DNAH10: variants seen among roughly 807,000 people sequenced by gnomAD.
DNAH10 encodes the protein dynein axonemal heavy chain 10, also known as axonemal beta dynein heavy chain 10.
Under a neutral mutation model 506.6 loss-of-function variants are expected in DNAH10, and 348 were observed. The observed-to-expected ratio is 0.69, with a 90% CI of 0.63 to 0.75. The LOEUF is 0.75. Among genes scored for constraint, DNAH10 ranks in the 30% least tolerant of loss-of-function variants. The probability of loss-of-function intolerance (pLI) is 0.00; values close to 1 mark genes in which losing one functional copy is unlikely to be tolerated. For synonymous variants in DNAH10, 2,059 were observed against 2,198.6 expected (o/e 0.94, Z 1.78); for missense variants, 5,179 against 5,787.1 (o/e 0.89, Z 3.41).
chr12:123,801,453 A>T lies in DNAH10; in HGVS notation c.2614+21A>T, dbSNP rs374987925. On this transcript the variant is annotated intron_variant, in intron 16 of 78. Transcript: ENST00000673944. ...ACTAGGTAACGTCATTCATCTATTG[A>T]TTGCCTTTTAGACTTGGGATGCAAA... 2.2e-4 allele frequency: 360 copies of T among 1,605,856 alleles called. No homozygotes were observed. The African/African-American group carries it at 4.0e-3, about 18-fold the overall frequency.
At position 123,762,581 on chromosome 12, in the gene DNAH10, G is replaced by T. The variant is rs778077713; in HGVS notation, c.214+31G>T. The stretch of plus-strand genomic sequence containing the variant: ...CCTCGACGCGCCGCTCCCTTCCCCG[G>T]GCTTCCCTCCTGCCCGTCCCGGCCT... On this transcript the variant is annotated intron_variant, in intron 1 of 78. Transcript: ENST00000673944. This position sits in a 1 kb window ranked among gnomAD's most constrained non-coding sequence, Gnocchi z 5.0. 2.6e-6 allele frequency: 4 copies of T among 1,531,928 alleles called. No individual in the cohort carries two copies. Among genetic ancestry groups the T allele is most frequent in the Non-Finnish European group, 3.5e-6 (4 of 1,140,158 alleles). The allele number at this position is 1,531,928 out of a possible 1,614,324, so 94.9% of individuals were successfully genotyped here. A position where few individuals can be genotyped will look rare whatever the true frequency, so the allele number is the denominator to read the frequency against.
Position 123,926,913 on chromosome 12 carries a change from A to T in DNAH10, c.12105+93A>T. Reference sequence around the variant, plus strand: ...CTAACCTGGGTTTAAGCTGAGTGCCACGCCACAAATCAGTTGGATGCATTT... The same window carrying T: ...CTAACCTGGGTTTAAGCTGAGTGCCTCGCCACAAATCAGTTGGATGCATTT... On this transcript the variant is annotated intron_variant, in intron 69 of 78. Transcript: ENST00000673944. This position sits in a 1 kb window ranked among gnomAD's most constrained non-coding sequence, Gnocchi z 4.1. The T allele has an allele frequency of 7.1e-7, 1 of 1,403,536 alleles. No homozygotes were observed. 86.9% of individuals were successfully genotyped at this position (1,403,536 alleles called of 1,614,324 possible). A position where few individuals can be genotyped will look rare whatever the true frequency, so the allele number is the denominator to read the frequency against.
At chr12:123,885,466 G>C (rs1176320260) in intron 51 of DNAH10, among the ~76,000 whole-genome samples, 2 of 152,018 alleles carry the variant, frequency 1.3e-5, no homozygotes, top group Non-Finnish European at 2.9e-5. Context: ...TTTGAATATT[G>C]TTCATTTTTT....
rs1448272514 is a variant in DNAH10, at chr12:123,932,062, A to G, written c.13250A>G (p.Asn4417Ser). The G allele has an allele frequency of 5.0e-6, 8 of 1,613,952 alleles. No homozygotes were observed. The highest frequency in any genetic ancestry group is 5.9e-6 in the Non-Finnish European group (7 of 1,179,864). The change falls in exon 76 of 79, where the codon AAC becomes AGC. Residue 4417 changes from asparagine (N) to serine (S), a missense_variant. This residue lies in a region of DNAH10 where 4,844 missense variants were observed against 5,430.5 expected (regional missense o/e 0.89). Coordinates refer to ENST00000673944, the MANE Select transcript of DNAH10 (RefSeq NM_001372106.1). ...LAPDTLKSLG[N>S]WMVYFLRRFS... ...CCTGACACCTTAAAGTCCCTTGGAAACTGGATGGTCTACTTCCTGCGGCGG... is the reference window on the plus strand; with the variant it reads ...CCTGACACCTTAAAGTCCCTTGGAAGCTGGATGGTCTACTTCCTGCGGCGG...
chr12:123,793,227 G>A (rs1373628551), intron 11 of DNAH10, among the ~76,000 whole-genome samples: 2 of 152,022 alleles, frequency 1.3e-5, no homozygotes, highest in African/African-American at 4.8e-5. Flanking sequence ...TCCCTTCCTG[G>A]GCCCAGTGCC....
chr12:123,765,274 C>T (rs1203491573), intron 1 of DNAH10, among the ~76,000 whole-genome samples: 2 of 152,124 alleles, frequency 1.3e-5, no homozygotes, highest in Non-Finnish European at 2.9e-5. Flanking sequence ...CGGAATCGTA[C>T]TGTACATATC....
chr12:123,802,592 C>T (rs1181280152), intron 16 of DNAH10, among the ~76,000 whole-genome samples: 4 of 152,128 alleles, frequency 2.6e-5, no homozygotes, highest in Non-Finnish European at 5.9e-5. Flanking sequence ...AGGCGTGAGC[C>T]ACCACGTGTG....
At chr12:123,764,515 A>G (rs921703159) in intron 1 of DNAH10, among the ~76,000 whole-genome samples, 1 of 152,198 alleles carries the variant, frequency 6.6e-6, no homozygotes, top group African/African-American at 2.4e-5. Flanking sequence ...ACAAGACCCT[A>G]AAACAATGGA....
At chr12:123,817,397 G>A (rs1959169624) in intron 21 of DNAH10, among the ~76,000 whole-genome samples, 1 of 151,522 alleles carries the variant, frequency 6.6e-6, no homozygotes, top group South Asian at 2.1e-4. Flanking sequence ...TCTTTCTGTG[G>A]TTTATTCTAA....
In DNAH10 at chr12:123,929,248, C is replaced by A. The variant is rs765541823; in HGVS notation, c.12307-27C>A. ...AAGCTTGTGGGCCTGCGGTCTCCAT[C>A]ACTGTGTGTTTTCTTCTCTTCTGAA... is the stretch of plus-strand genomic sequence containing the variant. On this transcript the variant is annotated intron_variant, in intron 70 of 78. Transcript: ENST00000673944. 143 of 1,563,436 alleles carry A rather than the reference C, an allele frequency of 9.1e-5. 1 individual carries two copies. Among genetic ancestry groups the A allele is most frequent in the Non-Finnish European group, 1.2e-4 (136 of 1,153,688 alleles).
intron 44 of DNAH10, among the ~76,000 whole-genome samples, chr12:123,870,974 A>G (rs992227532): frequency 2.0e-5 from 3 of 152,310 alleles, no homozygotes; most frequent in East Asian, 3.9e-4. Flanking sequence ...ATATGGGCTG[A>G]ATAATTTCAC....
intron 17 of DNAH10, among the ~76,000 whole-genome samples, chr12:123,804,066 G>GT (rs1297756664): frequency 8.6e-5 from 13 of 152,000 alleles, no homozygotes; most frequent in East Asian, 3.9e-4. Context: ...TTTTTGTTTT[G>GT]TTTTTTTCTG....
intron 53 of DNAH10, 26 bp downstream of exon 53, chr12:123,893,462 C>T (rs1276281123): frequency 1.2e-6 from 2 of 1,611,320 alleles, no homozygotes; most frequent in East Asian, 2.2e-5. Flanking sequence ...CCTGTGAACC[C>T]ATTTCCCCTG....
chr12:123,896,614 C>A (rs372133923), intron 54 of DNAH10, among the ~76,000 whole-genome samples: 2 of 151,478 alleles, frequency 1.3e-5, no homozygotes. Flanking sequence ...GTGATCGCTT[C>A]TGAAAACCCA....
At chr12:123,859,618 G>A (rs1016636748) in intron 38 of DNAH10, among the ~76,000 whole-genome samples, 3 of 152,206 alleles carry the variant, frequency 2.0e-5, no homozygotes, top group African/African-American at 7.2e-5. Flanking sequence ...ACCTTATGCA[G>A]TACTGCTGTG....
In DNAH10 at chr12:123,926,549, C is replaced by T. The variant is rs138867212; in HGVS notation, c.11922-88C>T. The T allele has an allele frequency of 6.1e-5, 86 of 1,411,726 alleles. 1 individual carries two copies. The African/African-American group carries it at 6.8e-4, about 11-fold the overall frequency. 87.4% of individuals were successfully genotyped at this position (1,411,726 alleles called of 1,614,324 possible). A position where few individuals can be genotyped will look rare whatever the true frequency, so the allele number is the denominator to read the frequency against. On this transcript the variant is annotated intron_variant, in intron 68 of 78. Coordinates refer to ENST00000673944, the MANE Select transcript of DNAH10 (RefSeq NM_001372106.1). This position sits in a 1 kb window ranked among gnomAD's most constrained non-coding sequence, Gnocchi z 4.1. ...GGAGTGGTCAGAAGGTTCTGGACAC[C>T]GGAGGAGGCAGCGCTGATCAGACAG...
At position 123,928,492 on chromosome 12, in the gene DNAH10, G is replaced by C. The variant is rs1468913504; in HGVS notation, c.12211G>C (p.Glu4071Gln). 2 of 1,611,328 alleles carry C rather than the reference G, an allele frequency of 1.2e-6. No homozygotes were observed. The highest frequency in any genetic ancestry group is 2.7e-5 in the African/African-American group (2 of 74,866). Residue 4071 changes from glutamate (E) to glutamine (Q), a missense_variant, in exon 70 of 79, where the codon GAG becomes CAG. Glu to Gln is a conservative substitution (Grantham distance 29). Transcript: ENST00000673944. The surrounding 1 kb of genome is among the most constrained non-coding windows in gnomAD (Gnocchi z 4.9). ...GCTGAAAGATCTGGAGAAGTCCCTG[G>C]AGAGGATCACCAAGCCCCACCCAGA... Reference protein sequence around the residue: ...KWLKDLEKSLERITKPHPDFR... With the variant: ...KWLKDLEKSLQRITKPHPDFR...
chr12:123,881,829 C>A lies in DNAH10; in HGVS notation c.8823+16C>A. ...CAGCTGTGAGGTCAGTCCACGTACC[C>A]TCCCAGAAATAGGTTTACGATGCCA... On this transcript the variant is annotated intron_variant, in intron 51 of 78. Coordinates refer to ENST00000673944, the MANE Select transcript of DNAH10 (RefSeq NM_001372106.1). The A allele has an allele frequency of 6.9e-7, 1 of 1,458,396 alleles. No individual in the cohort carries two copies. Among genetic ancestry groups the A allele is most frequent in the Non-Finnish European group, 9.1e-7 (1 of 1,103,672 alleles). 90.3% of individuals were successfully genotyped at this position (1,458,396 alleles called of 1,614,324 possible). A position where few individuals can be genotyped will look rare whatever the true frequency, so the allele number is the denominator to read the frequency against.
intron 30 of DNAH10, among the ~76,000 whole-genome samples, chr12:123,844,021 T>G (rs112129004): frequency 0.014 from 2,159 of 152,296 alleles, 54 homozygotes; most frequent in African/African-American, 0.049. Flanking sequence ...CTGGGTAATT[T>G]ATAAAGAAAA....
Sources: allele counts gnomAD v4.1 joint callset (sites outside exome capture counted in the v4.1 genomes callset), GRCh38; gene constraint gnomAD v4.1.1; regional missense constraint gnomAD v4.1.1; non-coding constraint Gnocchi (gnomAD v3.1); transcripts MANE v1.5; gene names NCBI Gene and HGNC (gene_info 2026-07-23, HGNC 2026-07-21).